The following SOX6 variants were observed in gnomAD, a reference collection of about 807,000 sequenced individuals.
The protein encoded by SOX6 is SRY-box transcription factor 6, also known as transcription factor SOX-6.
A neutral mutation model predicts 97.8 loss-of-function variants in SOX6; 11 were observed. The ratio of observed to expected loss-of-function variants is 0.11; its 90% confidence interval spans 0.07 to 0.19. SOX6 has a LOEUF of 0.19. SOX6 is among the 10% of genes least tolerant of loss of function. The pLI, the probability that SOX6 is intolerant of heterozygous loss-of-function variation, is 1.00. For missense variants in SOX6, 810 were observed against 1,039.5 expected (o/e 0.78, Z 3.04); for synonymous variants, 360 against 371.4 (o/e 0.97, Z 0.35).
chr11:16,381,946 AACAC>A (rs770504877), intron 1 of SOX6, among the ~76,000 whole-genome samples: 32 of 151,982 alleles, frequency 2.1e-4, no homozygotes, highest in Non-Finnish European at 4.0e-4. Flanking sequence ...GGGGAAAAAA[AACAC>A]ACACATACAA....
intron 2 of SOX6, among the ~76,000 whole-genome samples, chr11:16,731,057 G>T (rs527350771): frequency 5.3e-4 from 80 of 152,202 alleles, no homozygotes; most frequent in African/African-American, 1.9e-3. Flanking sequence ...GGAAGAAGCC[G>T]AATCCCTGAA....
intron 1 of SOX6, among the ~76,000 whole-genome samples, chr11:16,415,257 T>G (rs536284615): frequency 2.2e-4 from 34 of 152,116 alleles, no homozygotes; most frequent in African/African-American, 8.2e-4. Flanking sequence ...AAAATATAAC[T>G]ATTTGTTTAG....
At chr11:16,163,941 C>T (rs756559636) in intron 6 of SOX6, among the ~76,000 whole-genome samples, 3 of 152,090 alleles carry the variant, frequency 2.0e-5, no homozygotes, top group Non-Finnish European at 2.9e-5. Flanking sequence ...AGACAGGTTG[C>T]GAGACAAAGA....
intron 4 of SOX6, among the ~76,000 whole-genome samples, chr11:16,203,701 A>T (rs1006520364): frequency 6.6e-6 from 1 of 152,164 alleles, no homozygotes; most frequent in Non-Finnish European, 1.5e-5. Flanking sequence ...TTAATTGAGC[A>T]ATCAAGAGCA....
At chr11:16,252,588 C>A (rs548846490) in intron 3 of SOX6, 1 of 152,222 alleles carries the variant, frequency 6.6e-6, no homozygotes, top group Admixed American at 6.6e-5. Context: ...GGAAAATTCC[C>A]GTGTGATTCC....
chr11:16,286,807 AT>A (rs1377685253), intron 3 of SOX6, among the ~76,000 whole-genome samples: 2 of 152,072 alleles, frequency 1.3e-5, no homozygotes, highest in African/African-American at 4.8e-5. Flanking sequence ...TGGGTTTATT[AT>A]TTTTTGACAT....
chr11:16,206,872 T>C lies in SOX6; in HGVS notation c.536-19917A>G, dbSNP rs140378094. Reference sequence around the variant, plus strand: ...CTCTGGAAAGTTGGAAATTCAGGCATGGTAGATATGATCATGTCACTCTCT... The same window carrying C: ...CTCTGGAAAGTTGGAAATTCAGGCACGGTAGATATGATCATGTCACTCTCT... On this transcript the variant is annotated intron_variant, in intron 4 of 15. Transcript: ENST00000683767. Among the ~76,000 whole-genome samples the C allele has an allele frequency of 7.5e-3, 1,138 of 152,296 alleles. 10 individuals carry two copies. Among genetic ancestry groups the C allele is most frequent in the African/African-American group, 0.026 (1,082 of 41,570 alleles).
chr11:16,499,756 C>A (rs1224649155), intron 4 of SOX6, among the ~76,000 whole-genome samples: 2 of 152,124 alleles, frequency 1.3e-5, no homozygotes, highest in Admixed American at 6.5e-5. Flanking sequence ...CAACACTAAA[C>A]CAGGAAGAAG....
chr11:16,694,349 G>C (rs750872693), intron 3 of SOX6, among the ~76,000 whole-genome samples: 10 of 152,048 alleles, frequency 6.6e-5, no homozygotes, highest in Non-Finnish European at 1.5e-4. Context: ...GCAACACAGA[G>C]AGACTGTGCC....
At chr11:16,229,977 A>G (rs534070666) in intron 4 of SOX6, among the ~76,000 whole-genome samples, 5 of 152,012 alleles carry the variant, frequency 3.3e-5, no homozygotes, top group Non-Finnish European at 7.4e-5. Flanking sequence ...TACAGTTGTA[A>G]AAATAACTAT....
chr11:16,482,043 G>T (rs1264153830), intron 4 of SOX6, among the ~76,000 whole-genome samples: 1 of 152,134 alleles, frequency 6.6e-6, no homozygotes, highest in Non-Finnish European at 1.5e-5. Context: ...ATTATCATAG[G>T]TGCTACTGCA....
chr11:16,159,374 T>A (rs981657508), intron 6 of SOX6, among the ~76,000 whole-genome samples: 5 of 152,088 alleles, frequency 3.3e-5, no homozygotes, highest in African/African-American at 9.7e-5. Context: ...ACCTTATTTC[T>A]CAACATTTTC....
At chr11:16,309,059 C>T (rs1315613385) in intron 3 of SOX6, among the ~76,000 whole-genome samples, 3 of 152,174 alleles carry the variant, frequency 2.0e-5, no homozygotes, top group Non-Finnish European at 4.4e-5. Context: ...CATGCACGTG[C>T]GTGCACACAC....
chr11:16,286,132 C>A (rs969550535), intron 3 of SOX6, among the ~76,000 whole-genome samples: 1 of 152,072 alleles, frequency 6.6e-6, no homozygotes, highest in Admixed American at 6.6e-5. Flanking sequence ...TTATTTCTTG[C>A]CTCTGGAGAG....
At chr11:16,169,618 CCAAA>C (rs1850978052) in intron 6 of SOX6, among the ~76,000 whole-genome samples, 1 of 151,972 alleles carries the variant, frequency 6.6e-6, no homozygotes, top group Non-Finnish European at 1.5e-5. Context: ...AGAATCATAG[CCAAA>C]CACTCACAGA....
At position 16,097,762 on chromosome 11, in the gene SOX6, C is replaced by A. The variant is rs1418556171; in HGVS notation, c.899-74G>T. ...GCAGCAGACAAGTACAAACATGGTC[C>A]TTGGATTGCCTGAGCTTTACAACAT... On this transcript the variant is annotated intron_variant, in intron 7 of 15. Coordinates refer to ENST00000683767, the MANE Select transcript of SOX6 (RefSeq NM_001367873.1). The A allele has an allele frequency of 2.3e-6, 3 of 1,327,444 alleles. No individual in the cohort carries two copies. In the African/African-American group the frequency reaches 4.4e-5, roughly 19 times the overall value. The allele number at this position is 1,327,444 out of a possible 1,614,324, so 82.2% of individuals were successfully genotyped here. A position where few individuals can be genotyped will look rare whatever the true frequency, so the allele number is the denominator to read the frequency against.
chr11:16,276,149 A>G (rs1007676586), intron 3 of SOX6, among the ~76,000 whole-genome samples: 8 of 152,296 alleles, frequency 5.3e-5, no homozygotes, highest in African/African-American at 1.9e-4. Flanking sequence ...CTAAGTCCAA[A>G]CTTACTTCTA....
upstream of SOX6, among the ~76,000 whole-genome samples, chr11:16,479,667 T>G (rs914537082): frequency 6.6e-6 from 1 of 152,172 alleles, no homozygotes; most frequent in Non-Finnish European, 1.5e-5. Flanking sequence ...ATAAAATGTT[T>G]TCACTCATAA....
chr11:16,090,427 C>A lies in SOX6; in HGVS notation c.1101+5569G>T, dbSNP rs1848659890. ...TTAGTTTGAGGGTGGGTATAAACTT[C>A]TGCTTCACTGACTACAATGGCAAGC... On this transcript the variant is annotated intron_variant, in intron 9 of 15. Coordinates refer to ENST00000683767, the MANE Select transcript of SOX6 (RefSeq NM_001367873.1). Among the ~76,000 whole-genome samples, 4 of 152,170 alleles carry A rather than the reference C, an allele frequency of 2.6e-5. No homozygotes were observed. In the South Asian group the frequency reaches 8.3e-4, roughly 32 times the overall value.
Sources: gnomAD v4.1 joint callset for allele counts (sites outside exome capture counted in the v4.1 genomes callset) on GRCh38, gnomAD v4.1.1 for gene constraint, MANE v1.5 for transcripts, NCBI Gene and HGNC (gene_info 2026-07-23, HGNC 2026-07-21) for gene names.